TBCK: variants seen among roughly 807,000 people sequenced by gnomAD.
TBCK encodes TBC1 domain containing kinase.
In TBCK, 99 loss-of-function variants were observed where a neutral mutation model predicts 113.4. That is an observed-to-expected ratio of 0.87 (90% CI 0.74 to 1.03). The LOEUF (loss-of-function observed/expected upper bound fraction) is 1.03. Ranked by LOEUF, TBCK falls within the 50% of genes least tolerant of loss-of-function variation. The pLI is 0.00. For missense variants in TBCK, 1,045 were observed against 1,061.3 expected, an observed-to-expected ratio of 0.98 and a Z score of 0.21; for synonymous variants, 369 against 370.8, an observed-to-expected ratio of 1.00 and a Z score of 0.05.
At chr4:106,217,341 C>T (rs956208988) in intron 19 of TBCK, among the ~76,000 whole-genome samples, 4 of 152,000 alleles carry the variant, frequency 2.6e-5, no homozygotes, top group African/African-American at 9.7e-5. Flanking sequence ...CACTCCTATT[C>T]AACATAGTGT....
chr4:106,181,954 T>C (rs1439617372), intron 22 of TBCK, among the ~76,000 whole-genome samples: 1 of 152,224 alleles, frequency 6.6e-6, no homozygotes, highest in Non-Finnish European at 1.5e-5. Flanking sequence ...TAAATTACTT[T>C]GGGCAGTAAG....
At chr4:106,146,627 A>C (rs949631436) in intron 23 of TBCK, among the ~76,000 whole-genome samples, 1 of 152,204 alleles carries the variant, frequency 6.6e-6, no homozygotes. Flanking sequence ...AAATATGCTA[A>C]CGGTCATCTA....
At position 106,308,955 on chromosome 4, in the gene TBCK, A is replaced by G. The variant is rs1561004097; in HGVS notation, c.6T>C (p.Phe2=). Residue 2 remains phenylalanine, a synonymous_variant, in exon 2 of 26, where the codon TTT becomes TTC. Coordinates refer to ENST00000394708, the MANE Select transcript of TBCK (RefSeq NM_001163435.3). Reference sequence around the variant, plus strand: ...CTCCCATTTCAGCGTCCTTCAGGGGAAACATTTTTGGAGTCCTAGGTCTTC... The same window carrying G: ...CTCCCATTTCAGCGTCCTTCAGGGGGAACATTTTTGGAGTCCTAGGTCTTC... The part of the protein sequence containing the change: M[F]PLKDAEMGAF... 2 of 1,613,402 alleles carry G rather than the reference A, an allele frequency of 1.2e-6. No homozygotes were observed. The highest frequency in any genetic ancestry group is 2.2e-5 in the East Asian group (1 of 44,872).
At chr4:106,213,851 T>G (rs904957716) in intron 19 of TBCK, 56 of 154,650 alleles carry the variant, frequency 3.6e-4, no homozygotes, top group African/African-American at 1.2e-3. Context: ...AAGCTCGAAC[T>G]GGGTGGAGCC....
chr4:106,116,135 C>T lies in TBCK; in HGVS notation c.2411+68G>A, dbSNP rs1743462888. On this transcript the variant is annotated intron_variant, in intron 24 of 25. Coordinates refer to ENST00000394708, the MANE Select transcript of TBCK (RefSeq NM_001163435.3). ...GAATTTTTTTTTTTTAACCACACAA[C>T]ACTTAAATGAAAGGATGCAATACAA... The T allele has an allele frequency of 2.8e-6, 4 of 1,437,134 alleles. No individual in the cohort carries two copies. In the Admixed American group the frequency reaches 8.5e-5, roughly 31 times the overall value. 89.0% of individuals were successfully genotyped at this position (1,437,134 alleles called of 1,614,324 possible).
intron 23 of TBCK, among the ~76,000 whole-genome samples, chr4:106,149,009 C>T (rs1748161161): frequency 6.6e-6 from 1 of 152,204 alleles, no homozygotes; most frequent in Non-Finnish European, 1.5e-5. Context: ...CTGCTTCACC[C>T]TGTACTTTTA....
chr4:106,129,377 G>A (rs1745606001), intron 23 of TBCK, among the ~76,000 whole-genome samples: 1 of 152,144 alleles, frequency 6.6e-6, no homozygotes, highest in Admixed American at 6.6e-5. Context: ...CCACTTATAA[G>A]TGAACATGCG....
intron 17 of TBCK, among the ~76,000 whole-genome samples, 169 bp from the exon 18 acceptor site, chr4:106,231,948 G>A (rs1321059390): frequency 6.6e-6 from 1 of 151,804 alleles, no homozygotes; most frequent in Non-Finnish European, 1.5e-5. Flanking sequence ...GTGAGTGATA[G>A]TGTAGCACAC....
chr4:106,223,274 G>C (rs181686651), intron 19 of TBCK, among the ~76,000 whole-genome samples: 5 of 151,958 alleles, frequency 3.3e-5, no homozygotes. Context: ...ATATTCTCTC[G>C]CTCTCATTGT....
chr4:106,223,348 A>T (rs1399879677), intron 19 of TBCK, among the ~76,000 whole-genome samples: 5 of 152,114 alleles, frequency 3.3e-5, no homozygotes, highest in Admixed American at 2.0e-4. Context: ...TAGACTTTGT[A>T]TGTCTGTCTT....
intron 24 of TBCK, among the ~76,000 whole-genome samples, chr4:106,111,739 T>C (rs1742884339): frequency 1.3e-5 from 2 of 152,204 alleles, no homozygotes; most frequent in South Asian, 4.1e-4. Flanking sequence ...CAGATGTCTT[T>C]CTCCTTGGAA....
Position 106,095,508 on chromosome 4 carries a change from C to G in TBCK, c.2545G>C (p.Gly849Arg). Reference protein sequence around the residue: ...NFKGKVIVIVGHVAKHTAEFA... With the variant: ...NFKGKVIVIVRHVAKHTAEFA... ...TCAGCTGTGTGTTTTGCCACATGCCCCACGATGACAATGACCTTCCCTTTG... is the reference window on the plus strand; with the variant it reads ...TCAGCTGTGTGTTTTGCCACATGCCGCACGATGACAATGACCTTCCCTTTG... The change falls in exon 25 of 26, where the codon GGG (glycine) becomes CGG (arginine). Residue 849 changes from glycine to arginine, a missense_variant. Transcript: ENST00000394708. 6.2e-7 allele frequency: 1 copy of G among 1,613,818 alleles called. No homozygotes were observed. Among genetic ancestry groups the G allele is most frequent in the South Asian group, 1.1e-5 (1 of 91,020 alleles).
chr4:106,194,797 A>G, intron 20 of TBCK, 43 bp from the exon 21 acceptor site: 1 of 1,479,928 alleles, frequency 6.8e-7, no homozygotes, highest in East Asian at 2.4e-5. Flanking sequence ...TAAAAAGGAA[A>G]TAAAAAAGAT....
chr4:106,152,500 G>T (rs1351386009), intron 23 of TBCK, among the ~76,000 whole-genome samples: 1 of 151,752 alleles, frequency 6.6e-6, no homozygotes, highest in Non-Finnish European at 1.5e-5. Context: ...TTTTTTTTGA[G>T]AATTTTTGCA....
chr4:106,056,880 G>A (rs1272674284), intron 25 of TBCK, among the ~76,000 whole-genome samples: 1 of 151,702 alleles, frequency 6.6e-6, no homozygotes, highest in Non-Finnish European at 1.5e-5. Flanking sequence ...TTTGATAATA[G>A]TTAAGTCTAA....
intron 5 of TBCK, among the ~76,000 whole-genome samples, chr4:106,259,691 A>G (rs1248684703): frequency 2.0e-5 from 3 of 151,990 alleles, no homozygotes. Context: ...ACATTTGGAG[A>G]AACTGATGAA....
At chr4:106,197,407 GTGTGTA>G (rs1412185429) in intron 20 of TBCK, among the ~76,000 whole-genome samples, 1,907 of 100,962 alleles carry the variant, frequency 0.019, 20 homozygotes, top group Middle Eastern at 0.065. Flanking sequence ...GTGTGTGTGT[GTGTGTA>G]TATATATATA....
At position 106,139,506 on chromosome 4, in the gene TBCK, T is replaced by C. The variant is rs1172776005; in HGVS notation, c.2236-23128A>G. ...TCAGCTGTCTCTAATCTTTAATCAT[T>C]TATTTTAACACACCACAAATCATCC... On this transcript the variant is annotated intron_variant, in intron 23 of 25. Coordinates refer to ENST00000394708, the MANE Select transcript of TBCK (RefSeq NM_001163435.3). Among the ~76,000 whole-genome samples, 3 of 141,548 alleles carry C rather than the reference T, an allele frequency of 2.1e-5. 1 individual carries two copies. Among genetic ancestry groups the C allele is most frequent in the Non-Finnish European group, 4.8e-5 (3 of 62,216 alleles). The allele number at this position is 141,548 out of a possible 152,430, so 92.9% of individuals were successfully genotyped here. A position where few individuals can be genotyped will look rare whatever the true frequency, so the allele number is the denominator to read the frequency against.
intron 23 of TBCK, among the ~76,000 whole-genome samples, chr4:106,139,380 C>T (rs1204737821): frequency 1.4e-5 from 2 of 141,734 alleles, no homozygotes; most frequent in East Asian, 4.0e-4. Flanking sequence ...CAACCATTTA[C>T]ATTTGAATGC....
Sources: gnomAD v4.1 joint callset for allele counts (sites outside exome capture counted in the v4.1 genomes callset) on GRCh38, gnomAD v4.1.1 for gene constraint, MANE v1.5 for transcripts, NCBI Gene and HGNC (gene_info 2026-07-23, HGNC 2026-07-21) for gene names.